Variants in CNTLN observed in about 807,000 individuals in gnomAD.
The protein encoded by CNTLN is centlein, centrosomal protein.
Under a neutral mutation model 180.0 loss-of-function variants are expected in CNTLN, and 212 were observed. That is an observed-to-expected ratio of 1.18 (90% CI 1.05 to 1.32). The LOEUF (loss-of-function observed/expected upper bound fraction) is 1.32. Ranked by LOEUF, CNTLN falls within the 40% of genes most tolerant of loss-of-function variation. The pLI is 0.00. For synonymous variants in CNTLN, 722 were observed against 563.1 expected, an observed-to-expected ratio of 1.28 and a Z score of -3.99; for missense variants, 2,095 against 1,610.9, an observed-to-expected ratio of 1.30 and a Z score of -5.14.
At chr9:17,349,836 T>A (rs2044120) in intron 12 of CNTLN, among the ~76,000 whole-genome samples, 91,002 of 152,012 alleles carry the variant, frequency 0.6, 27,498 homozygotes, top group East Asian at 0.73. Flanking sequence ...TTCAATATTT[T>A]AACAATATAA....
At chr9:17,344,956 G>A (rs1392853640) in intron 12 of CNTLN, among the ~76,000 whole-genome samples, 1 of 152,000 alleles carries the variant, frequency 6.6e-6, no homozygotes, top group African/African-American at 2.4e-5. Flanking sequence ...GCCTTTTTCA[G>A]ACTGTCATAT....
chr9:17,331,921 A>G (rs1200957038), intron 9 of CNTLN, among the ~76,000 whole-genome samples: 1 of 152,006 alleles, frequency 6.6e-6, no homozygotes, highest in Non-Finnish European at 1.5e-5. Context: ...GCCTTTAATA[A>G]AAGTCAAGAA....
rs141838491 is a variant in CNTLN at position 17,490,034 on chromosome 9, C to T, written c.4119+2968C>T. Among the ~76,000 whole-genome samples, 1,295 of 152,172 alleles carry T rather than the reference C, an allele frequency of 8.5e-3. 8 individuals carry two copies. Among genetic ancestry groups the T allele is most frequent in the African/African-American group, 0.012 (490 of 41,524 alleles). On this transcript the variant is annotated intron_variant, in intron 25 of 25. Coordinates refer to ENST00000380647, the MANE Select transcript of CNTLN (RefSeq NM_017738.4). ...CAAAGAAGCAAATTGATAATTAAAGCAGGATGGGAGAAACCACCAAAATTA... is the reference window on the plus strand; with the variant it reads ...CAAAGAAGCAAATTGATAATTAAAGTAGGATGGGAGAAACCACCAAAATTA...
At chr9:17,235,622 T>A (rs1051937082) in intron 3 of CNTLN, 36 bp from the exon 4 acceptor site, 3 of 1,443,560 alleles carry the variant, frequency 2.1e-6, no homozygotes, top group African/African-American at 2.0e-5. Flanking sequence ...TTCTTAGAAA[T>A]AAAAGCTCAC....
At chr9:17,381,777 AGTGCT>A (rs1438909501) in intron 13 of CNTLN, among the ~76,000 whole-genome samples, 1 of 152,124 alleles carries the variant, frequency 6.6e-6, no homozygotes, top group Non-Finnish European at 1.5e-5. Context: ...GGTTGGCTGG[AGTGCT>A]TCACCTTGAG....
intron 10 of CNTLN, among the ~76,000 whole-genome samples, chr9:17,335,140 A>T (rs1012109995): frequency 6.6e-6 from 1 of 152,200 alleles, no homozygotes; most frequent in African/African-American, 2.4e-5. Flanking sequence ...TCAACAGATT[A>T]AATGACATCC....
At chr9:17,406,145 G>T (rs1051423971) in intron 15 of CNTLN, among the ~76,000 whole-genome samples, 2 of 151,748 alleles carry the variant, frequency 1.3e-5, no homozygotes, top group Non-Finnish European at 2.9e-5. Flanking sequence ...CAGTTGCACT[G>T]ACCAAAAGCT....
intron 5 of CNTLN, among the ~76,000 whole-genome samples, chr9:17,259,443 TG>T (rs1826775882): frequency 6.9e-6 from 1 of 144,004 alleles, no homozygotes; most frequent in Admixed American, 6.7e-5. Flanking sequence ...TCTCTTTTTT[TG>T]TTGTATCTCT....
chr9:17,264,483 C>T (rs1267701258), intron 5 of CNTLN, among the ~76,000 whole-genome samples: 92 of 149,534 alleles, frequency 6.2e-4, no homozygotes, highest in African/African-American at 1.8e-3. Flanking sequence ...ATCATGATGC[C>T]TTCAGCTTTG....
intron 12 of CNTLN, among the ~76,000 whole-genome samples, chr9:17,353,578 A>G (rs1350739821): frequency 7.1e-6 from 1 of 140,266 alleles, no homozygotes; most frequent in Admixed American, 7.1e-5. Context: ...ATCTTTTTTT[A>G]TTGTAATAGT....
At chr9:17,479,273 C>G (rs1156561328) in intron 23 of CNTLN, among the ~76,000 whole-genome samples, 1 of 151,922 alleles carries the variant, frequency 6.6e-6, no homozygotes, top group African/African-American at 2.4e-5. Context: ...GTCACAACAG[C>G]CAAGATGTAG....
chr9:17,164,879 AG>A (rs1257326990), intron 2 of CNTLN, among the ~76,000 whole-genome samples: 2 of 135,036 alleles, frequency 1.5e-5, no homozygotes, highest in African/African-American at 5.7e-5. Context: ...TCTGTCGCCC[AG>A]GCTCAAGTGC....
chr9:17,255,435 A>C (rs1056123429), intron 5 of CNTLN, among the ~76,000 whole-genome samples: 2 of 147,444 alleles, frequency 1.4e-5, no homozygotes, highest in Non-Finnish European at 1.5e-5. Flanking sequence ...TTCTGTATCG[A>C]GTGAAATGCT....
intron 7 of CNTLN, chr9:17,299,086 A>G: frequency 3.3e-6 from 1 of 305,984 alleles, no homozygotes; most frequent in Non-Finnish European, 4.8e-6. Context: ...TACTAAAAAT[A>G]CAAAAAGTTA....
At chr9:17,151,177 T>G (rs76411687) in intron 2 of CNTLN, among the ~76,000 whole-genome samples, 1 of 152,134 alleles carries the variant, frequency 6.6e-6, no homozygotes, top group East Asian at 1.9e-4. Flanking sequence ...GAACTTCCAA[T>G]ATTATGTTGA....
chr9:17,239,022 A>G (rs1036258429), intron 5 of CNTLN, among the ~76,000 whole-genome samples: 20 of 152,044 alleles, frequency 1.3e-4, no homozygotes, highest in Admixed American at 1.0e-3. Flanking sequence ...GTGAAGTGAT[A>G]TCTCATTATG....
chr9:17,249,354 GTT>G (rs71327899), intron 5 of CNTLN, among the ~76,000 whole-genome samples: 2 of 99,112 alleles, frequency 2.0e-5, no homozygotes, highest in Admixed American at 2.1e-4. Context: ...TGTTTTTTTT[GTT>G]TTTTTTTTTT....
rs537192249 is a variant in CNTLN, at chr9:17,410,864, C to G, written c.2796+1391C>G. Among the ~76,000 whole-genome samples, 21 of 152,144 alleles carry G rather than the reference C, an allele frequency of 1.4e-4. No individual in the cohort carries two copies. In the South Asian group the frequency reaches 2.5e-3, roughly 18 times the overall value. Reference sequence around the variant, plus strand: ...ATAGGGATATTTCTCTAGGCTTTTTCTTCTGTTCCTTCAGTAAATGTATCA... The same window carrying G: ...ATAGGGATATTTCTCTAGGCTTTTTGTTCTGTTCCTTCAGTAAATGTATCA... On this transcript the variant is annotated intron_variant, in intron 16 of 25. Coordinates refer to ENST00000380647, the MANE Select transcript of CNTLN (RefSeq NM_017738.4).
At chr9:17,419,801 C>T (rs1828563530) in intron 18 of CNTLN, among the ~76,000 whole-genome samples, 1 of 152,174 alleles carries the variant, frequency 6.6e-6, no homozygotes, top group African/African-American at 2.4e-5. Context: ...TCCTCTTCTA[C>T]CTGTCTCTGG....
Sources: gnomAD v4.1 joint callset for allele counts (sites outside exome capture counted in the v4.1 genomes callset) on GRCh38, gnomAD v4.1.1 for gene constraint, MANE v1.5 for transcripts, NCBI Gene and HGNC (gene_info 2026-07-23, HGNC 2026-07-21) for gene names.